SLC4A8: variants seen among roughly 807,000 people sequenced by gnomAD.
SLC4A8 encodes solute carrier family 4 member 8.
Under a neutral mutation model 125.0 loss-of-function variants are expected in SLC4A8, and 40 were observed. The observed-to-expected ratio is 0.32, with a 90% CI of 0.25 to 0.42. The LOEUF (loss-of-function observed/expected upper bound fraction) is 0.42, where lower values mean the gene tolerates loss of function less well. SLC4A8 is among the 10% of genes least tolerant of loss of function. The pLI, the probability that SLC4A8 is intolerant of heterozygous loss-of-function variation, is 1.00. For missense variants in SLC4A8, 863 were observed against 1,355.1 expected, an observed-to-expected ratio of 0.64 and a Z score of 5.70; for synonymous variants, 456 against 476.0, an observed-to-expected ratio of 0.96 and a Z score of 0.55.
chr12:51,504,222 A>G, intron 23 of SLC4A8, 102 bp downstream of exon 23: 1 of 731,012 alleles, frequency 1.4e-6, no homozygotes, highest in Non-Finnish European at 2.4e-6. Flanking sequence ...TGGCATAAAG[A>G]GCTAAATATT....
intron 7 of SLC4A8, among the ~76,000 whole-genome samples, chr12:51,458,978 G>A (rs1950237710): frequency 6.6e-6 from 1 of 152,078 alleles, no homozygotes; most frequent in African/African-American, 2.4e-5. Context: ...TCACCCCCAG[G>A]GGTTTTGCCA....
chr12:51,419,808 G>T (rs1565759255), intron 1 of SLC4A8, among the ~76,000 whole-genome samples: 2 of 152,194 alleles, frequency 1.3e-5, no homozygotes, highest in Non-Finnish European at 2.9e-5. Context: ...CTCTCAGTTT[G>T]GAGCAAAGTG....
upstream of SLC4A8, among the ~76,000 whole-genome samples, chr12:51,420,828 A>G (rs1002480435): frequency 1.3e-5 from 2 of 152,180 alleles, no homozygotes; most frequent in Admixed American, 1.3e-4. Flanking sequence ...CTGTGGAATC[A>G]TTTCATCTGA....
rs1164704445 is a variant in SLC4A8 at position 51,458,639 on chromosome 12, G to T, written c.844G>T (p.Asp282Tyr). 1 of 1,612,994 alleles carries T rather than the reference G, an allele frequency of 6.2e-7. No homozygotes were observed. Among genetic ancestry groups the T allele is most frequent in the Non-Finnish European group, 8.5e-7 (1 of 1,178,982 alleles). The change falls in exon 7 of 25, where the codon GAT becomes TAT. Residue 282 changes from aspartate (D) to tyrosine (Y), a missense_variant. By Grantham distance (160) the Asp-to-Tyr change is radical (BLOSUM62 -3). This residue lies in a region of SLC4A8 where 390 missense variants were observed against 634.4 expected (regional missense o/e 0.61). Transcript: ENST00000453097. ...NGVNCEHSPV[D>Y]LSKVDLHFMK... is the part of the protein sequence containing the mutation. ...AGTGAATTGTGAACATAGTCCTGTG[G>T]ATTTAAGCAAGGTGAGCAGAGTGGT...
intron 16 of SLC4A8, among the ~76,000 whole-genome samples, chr12:51,480,848 T>C (rs1364284703): frequency 6.6e-6 from 1 of 152,236 alleles, no homozygotes; most frequent in Non-Finnish European, 1.5e-5. Context: ...TCGCTCACTT[T>C]GGGCTTGCAG....
chr12:51,511,393 ATATATAT>A lies in SLC4A8; in HGVS notation c.*3957_*3963del, dbSNP rs1938360915. The A allele has an allele frequency of 3.3e-5, 5 of 152,064 alleles. No homozygotes were observed. In the South Asian group the frequency reaches 1.0e-3, roughly 32 times the overall value. 9.4% of individuals were successfully genotyped at this position (152,064 alleles called of 1,614,324 possible). A position where few individuals can be genotyped will look rare whatever the true frequency, so the allele number is the denominator to read the frequency against. On this transcript the variant is annotated 3_prime_UTR_variant, in exon 25 of 25. Transcript: ENST00000453097. ...GAATCAAAATGAGTGTGGAGTCATAATATATATTTTTTTTGAGACAAAGTCTCACTCT... is the reference window on the plus strand; with the variant it reads ...GAATCAAAATGAGTGTGGAGTCATAATTTTTTTGAGACAAAGTCTCACTCT...
intron 4 of SLC4A8, 119 bp downstream of exon 4, chr12:51,452,378 G>A (rs1278913611): frequency 1.8e-6 from 2 of 1,138,836 alleles, no homozygotes; most frequent in Non-Finnish European, 2.6e-6. Context: ...CTGACATGGG[G>A]ACTGACATTC....
At chr12:51,464,659 G>A (rs978929299) in intron 11 of SLC4A8, among the ~76,000 whole-genome samples, 1 of 152,206 alleles carries the variant, frequency 6.6e-6, no homozygotes, top group African/African-American at 2.4e-5. Context: ...GAGATTCTCA[G>A]GGCAGGACTG....
intron 6 of SLC4A8, among the ~76,000 whole-genome samples, chr12:51,458,352 G>A (rs567131143): frequency 6.6e-6 from 1 of 152,208 alleles, no homozygotes; most frequent in Admixed American, 6.5e-5. Flanking sequence ...GAAAGAAGGT[G>A]CAGAAGTAGC....
At chr12:51,483,827 G>T (rs1951094276) in intron 16 of SLC4A8, among the ~76,000 whole-genome samples, 5 of 151,960 alleles carry the variant, frequency 3.3e-5, no homozygotes, top group Admixed American at 3.3e-4. Context: ...CCATGTTGGT[G>T]TGCTGCACCC....
chr12:51,425,349 C>G lies in SLC4A8; in HGVS notation c.48+314C>G, dbSNP rs1948934821. 5.0e-6 allele frequency: 6 copies of G among 1,194,116 alleles called. No homozygotes were observed. In the Admixed American group the frequency reaches 1.8e-4, roughly 36 times the overall value. 74.0% of individuals were successfully genotyped at this position (1,194,116 alleles called of 1,614,324 possible). On this transcript the variant is annotated intron_variant, in intron 1 of 24. Transcript: ENST00000453097. ...CCTCGCGTCTTTCTGTTGGAAGGGG[C>G]CGGCGTCTGGCCTCGCGTTGTCCTG...
intron 4 of SLC4A8, 143 bp downstream of exon 4, chr12:51,452,402 G>A: frequency 4.4e-6 from 4 of 902,962 alleles, no homozygotes; most frequent in Non-Finnish European, 6.9e-6. Context: ...TGTCTCCTGT[G>A]GAGAATTTTG....
intron 1 of SLC4A8, among the ~76,000 whole-genome samples, chr12:51,430,129 A>G (rs1949139948): frequency 6.6e-6 from 1 of 152,106 alleles, no homozygotes; most frequent in South Asian, 2.1e-4. Context: ...CCTGCTCAGA[A>G]TGGAAAATTT....
At position 51,495,024 on chromosome 12, in the gene SLC4A8, G is replaced by A. The variant is rs1195842701; in HGVS notation, c.2849G>A (p.Arg950His). ...DFIYLRHVPL[R>H]KVHLFTLIQL... Reference sequence around the variant, plus strand: ...ATCTACCTGCGGCATGTGCCGCTGCGCAAAGTGCACCTCTTCACCCTCATC... The same window carrying A: ...ATCTACCTGCGGCATGTGCCGCTGCACAAAGTGCACCTCTTCACCCTCATC... Residue 950 changes from arginine to histidine, a missense_variant, in exon 21 of 25, where the codon CGC becomes CAC. Around this residue, in one of 6 missense-constraint regions of SLC4A8, gnomAD observed 197 missense variants for 377.7 expected, o/e 0.52. Coordinates refer to ENST00000453097, the MANE Select transcript of SLC4A8 (RefSeq NM_001039960.3). The A allele has an allele frequency of 1.5e-5, 25 of 1,613,984 alleles. No homozygotes were observed. The highest frequency in any genetic ancestry group is 3.3e-5 in the Admixed American group (2 of 60,014).
Position 51,462,394 on chromosome 12 carries a change from C to T in SLC4A8, c.1186C>T (p.Leu396Phe). 6.2e-7 allele frequency: 1 copy of T among 1,611,952 alleles called. No individual in the cohort carries two copies. The highest frequency in any genetic ancestry group is 8.5e-7 in the Non-Finnish European group (1 of 1,179,252). Residue 396 changes from leucine (L) to phenylalanine (F), a missense_variant, in exon 10 of 25, where the codon CTC becomes TTC. By Grantham distance (22) the Leu-to-Phe change is conservative. Around this residue, in one of 6 missense-constraint regions of SLC4A8, gnomAD observed 390 missense variants for 634.4 expected, o/e 0.61. Transcript: ENST00000453097. ...TGAGTTCCTAGACCAGGTGACGGTG[C>T]TCCCTCCAGGAGAGTGGGATCCCTC... ...IDEFLDQVTV[L>F]PPGEWDPSIR...
chr12:51,421,758 AT>A (rs1451779067), upstream of SLC4A8, among the ~76,000 whole-genome samples: 2 of 152,110 alleles, frequency 1.3e-5, no homozygotes, highest in Admixed American at 1.3e-4. Context: ...CTAAGGGCAG[AT>A]TTTGGAGATG....
intron 11 of SLC4A8, 136 bp from the exon 12 acceptor site, chr12:51,469,478 T>C (rs1302253675): frequency 4.6e-6 from 3 of 645,514 alleles, no homozygotes; most frequent in Non-Finnish European, 7.8e-6. Context: ...AAGAGAGTTA[T>C]CTGTACTGGG....
At chr12:51,421,326 T>C (rs1217839423), upstream of SLC4A8, among the ~76,000 whole-genome samples, 1 of 152,150 alleles carries the variant, frequency 6.6e-6, no homozygotes, top group African/African-American at 2.4e-5. Context: ...GAACCAGCTT[T>C]TTCTGGGAAG....
chr12:51,495,808 A>G (rs1311823805), intron 21 of SLC4A8, among the ~76,000 whole-genome samples: 1 of 152,140 alleles, frequency 6.6e-6, no homozygotes, highest in East Asian at 1.9e-4. Flanking sequence ...CATTTAGCCT[A>G]ATGTCTTCAA....
Sources: allele counts gnomAD v4.1 joint callset (sites outside exome capture counted in the v4.1 genomes callset), GRCh38; gene constraint gnomAD v4.1.1; regional missense constraint gnomAD v4.1.1; transcripts MANE v1.5; gene names NCBI Gene and HGNC (gene_info 2026-07-23, HGNC 2026-07-21).